The following FBXO33 variants were observed in gnomAD, a reference collection of about 807,000 sequenced individuals.
FBXO33 encodes F-box protein 33.
In FBXO33, 22 loss-of-function variants were observed where a neutral mutation model predicts 46.3. That is an observed-to-expected ratio of 0.48 (90% CI 0.34 to 0.68). FBXO33 has a LOEUF of 0.68. FBXO33 is among the 30% of genes least tolerant of loss of function. The probability of loss-of-function intolerance (pLI) is 0.01; values close to 1 mark genes in which losing one functional copy is unlikely to be tolerated. For missense variants in FBXO33, 692 were observed against 708.8 expected, an observed-to-expected ratio of 0.98 and a Z score of 0.27; for synonymous variants, 337 against 291.3, an observed-to-expected ratio of 1.16 and a Z score of -1.60.
At chr14:39,399,866 C>T (rs989343102) in intron 3 of FBXO33, 79 bp from the exon 4 acceptor site, 2 of 1,406,740 alleles carry the variant, frequency 1.4e-6, no homozygotes, top group Non-Finnish European at 1.9e-6. Flanking sequence ...TTTCCTCATT[C>T]AAAGCTTCTA....
In FBXO33 at chr14:39,432,102, C is replaced by G; in HGVS notation, c.61G>C (p.Ala21Pro). 8.0e-7 allele frequency: 1 copy of G among 1,242,674 alleles called. No individual in the cohort carries two copies. Among genetic ancestry groups the G allele is most frequent in the Non-Finnish European group, 1.0e-6 (1 of 996,462 alleles). The allele number at this position is 1,242,674 out of a possible 1,614,324, so 77.0% of individuals were successfully genotyped here. A position where few individuals can be genotyped will look rare whatever the true frequency, so the allele number is the denominator to read the frequency against. The stretch of plus-strand genomic sequence containing the variant: ...CGCCGCCACCGCGCCACCCGGGCGG[C>G]CCCGGCTCGGGTTCGAGCTCCCGGC... The part of the protein sequence containing the change: ...RPPGARTRAG[A>P]ARVARWRRLR... The change falls in exon 1 of 4, where the codon GCC becomes CCC. Residue 21 changes from alanine (A) to proline (P), a missense_variant. Physicochemically the swap from Ala to Pro is conservative, Grantham distance 27. Coordinates refer to ENST00000298097, the MANE Select transcript of FBXO33 (RefSeq NM_203301.4).
chr14:39,431,452 G>A (rs902057052), intron 1 of FBXO33, 112 bp downstream of exon 1: 6 of 1,541,264 alleles, frequency 3.9e-6, no homozygotes, highest in East Asian at 2.3e-5. Flanking sequence ...CGTCACTGAG[G>A]AAGGCAACAC....
intron 1 of FBXO33, among the ~76,000 whole-genome samples, chr14:39,416,685 T>G (rs1191721149): frequency 6.6e-6 from 1 of 152,146 alleles, no homozygotes; most frequent in Admixed American, 6.5e-5. Flanking sequence ...TTGTTTCTTT[T>G]TTATTGTTTC....
intron 1 of FBXO33, among the ~76,000 whole-genome samples, chr14:39,414,783 T>C (rs2075439576): frequency 6.6e-6 from 1 of 152,152 alleles, no homozygotes; most frequent in Non-Finnish European, 1.5e-5. Context: ...CACCTCAGCC[T>C]CCCAAGTAGA....
At position 39,431,990 on chromosome 14, in the gene FBXO33, C is replaced by T. The variant is rs1316292714; in HGVS notation, c.173G>A (p.Arg58Gln). The T allele has an allele frequency of 6.9e-7, 1 of 1,441,048 alleles. No homozygotes were observed. Among genetic ancestry groups the T allele is most frequent in the Admixed American group, 3.2e-5 (1 of 30,812 alleles). 89.3% of individuals were successfully genotyped at this position (1,441,048 alleles called of 1,614,324 possible). The change falls in exon 1 of 4, where the codon CGG becomes CAG. Residue 58 changes from arginine to glutamine, a missense_variant. Physicochemically the swap from Arg to Gln is conservative, Grantham distance 43. Around this residue, in one of 3 missense-constraint regions of FBXO33, gnomAD observed 412 missense variants for 370.8 expected, o/e 1.11. Transcript: ENST00000298097. ...CGCCGCCTGCCCGCACAGAGCCATC[C>T]GGCCCCGCCGCCGGCTGCCGGCTCC... ...RPGAGSRRRG[R>Q]MALCGQAAGA...
intron 1 of FBXO33, 145 bp downstream of exon 1, chr14:39,431,419 G>A (rs1390176261): frequency 7.8e-6 from 11 of 1,414,562 alleles, no homozygotes; most frequent in Non-Finnish European, 8.6e-6. Context: ...CAAGGAAACC[G>A]CCTAGTTAGA....
chr14:39,407,150 T>C (rs75530532), intron 1 of FBXO33, among the ~76,000 whole-genome samples: 4,187 of 152,252 alleles, frequency 0.028, 173 homozygotes, highest in African/African-American at 0.094. Context: ...GAAATTAAAA[T>C]TTAAAAAACA....
intron 1 of FBXO33, among the ~76,000 whole-genome samples, chr14:39,415,953 C>T (rs2075446566): frequency 6.6e-6 from 1 of 152,218 alleles, no homozygotes; most frequent in African/African-American, 2.4e-5. Flanking sequence ...AGGTGTGAGC[C>T]ATGGTGTCCG....
At chr14:39,408,804 G>C (rs1385177724) in intron 1 of FBXO33, among the ~76,000 whole-genome samples, 1 of 151,376 alleles carries the variant, frequency 6.6e-6, no homozygotes, top group South Asian at 2.1e-4. Flanking sequence ...TTTAGACAGG[G>C]TCCTGCTGTT....
At chr14:39,401,132 C>T (rs752250014) in intron 3 of FBXO33, 44 bp downstream of exon 3, 34 of 1,506,790 alleles carry the variant, frequency 2.3e-5, no homozygotes, top group Middle Eastern at 1.8e-4. Context: ...AAAATGTTTT[C>T]GGTCTAATTC....
chr14:39,400,759 A>G (rs1338870712), intron 3 of FBXO33, among the ~76,000 whole-genome samples: 3 of 152,226 alleles, frequency 2.0e-5, no homozygotes, highest in African/African-American at 2.4e-5. Context: ...TAAAAAAATT[A>G]TATACATTAA....
rs2075555088 is a variant in FBXO33 at position 39,431,722 on chromosome 14, G to A, written c.441C>T (p.Asn147=). The A allele has an allele frequency of 4.3e-6, 7 of 1,613,330 alleles. No homozygotes were observed. The African/African-American group carries it at 5.3e-5, about 12-fold the overall frequency. The change falls in exon 1 of 4, where the codon AAC becomes AAT. Residue 147 remains asparagine, a synonymous_variant. Coordinates refer to ENST00000298097, the MANE Select transcript of FBXO33 (RefSeq NM_203301.4). The part of the protein sequence containing the change: ...RELRVEFAAE[N]YLSGGGPGDG... ...CCCCTGGGCCACCGCCGCTCAGATA[G>A]TTCTCGGCGGCGAATTCAACACGCA...
chr14:39,432,268 G>A lies in FBXO33; in HGVS notation c.-106C>T. The A allele has an allele frequency of 1.0e-6, 1 of 976,056 alleles. No homozygotes were observed. 60.5% of individuals were successfully genotyped at this position (976,056 alleles called of 1,614,324 possible). ...GGCCTCTGCGGGCGTGGCCTGCCGG[G>A]AGCCAGCCTCTGTCTTCTCAAACTC... On this transcript the variant is annotated 5_prime_UTR_variant, in exon 1 of 4. Coordinates refer to ENST00000298097, the MANE Select transcript of FBXO33 (RefSeq NM_203301.4).
At chr14:39,431,511 G>A in intron 1 of FBXO33, 53 bp downstream of exon 1, 1 of 1,601,796 alleles carries the variant, frequency 6.2e-7, no homozygotes, top group Non-Finnish European at 8.5e-7. Flanking sequence ...TCGGGGTGCG[G>A]GGACGGAGCG....
At chr14:39,430,287 G>C (rs1249548421) in intron 1 of FBXO33, among the ~76,000 whole-genome samples, 1 of 152,166 alleles carries the variant, frequency 6.6e-6, no homozygotes, top group African/African-American at 2.4e-5. Context: ...CAGGCAACTG[G>C]AATAATGGAG....
At chr14:39,411,181 C>T (rs147179762) in intron 1 of FBXO33, among the ~76,000 whole-genome samples, 140 of 150,706 alleles carry the variant, frequency 9.3e-4, no homozygotes, top group African/African-American at 2.9e-3. Context: ...CTGCACCCTC[C>T]GCCTCCCAGG....
chr14:39,415,239 A>G (rs2075442002), intron 1 of FBXO33, among the ~76,000 whole-genome samples: 1 of 152,136 alleles, frequency 6.6e-6, no homozygotes, highest in Non-Finnish European at 1.5e-5. Flanking sequence ...TGAGGCTGCC[A>G]TTACCCATGA....
intron 1 of FBXO33, among the ~76,000 whole-genome samples, chr14:39,419,469 T>C (rs545657984): frequency 1.3e-5 from 2 of 152,328 alleles, no homozygotes; most frequent in South Asian, 2.1e-4. Flanking sequence ...TGGCTCATTA[T>C]TGTTTCAGAT....
intron 1 of FBXO33, among the ~76,000 whole-genome samples, chr14:39,414,732 G>C (rs1044353236): frequency 1.3e-5 from 2 of 152,178 alleles, no homozygotes; most frequent in African/African-American, 4.8e-5. Flanking sequence ...TGCAATCACA[G>C]CTCACTGTAG....
Sources: gnomAD v4.1 joint callset for allele counts (sites outside exome capture counted in the v4.1 genomes callset) on GRCh38, gnomAD v4.1.1 for gene constraint, gnomAD v4.1.1 regional missense constraint, MANE v1.5 for transcripts, NCBI Gene and HGNC (gene_info 2026-07-23, HGNC 2026-07-21) for gene names.